Variants in ESCO1 observed in about 807,000 individuals in gnomAD.
ESCO1 encodes N-acetyltransferase ESCO1.
Under a neutral mutation model 83.5 loss-of-function variants are expected in ESCO1, and 33 were observed. That is an observed-to-expected ratio of 0.40 (90% CI 0.30 to 0.53). The LOEUF (loss-of-function observed/expected upper bound fraction) is 0.53, where lower values mean the gene tolerates loss of function less well. ESCO1 is among the 20% of genes least tolerant of loss of function. The probability of loss-of-function intolerance (pLI) is 0.63; values close to 1 mark genes in which losing one functional copy is unlikely to be tolerated. For synonymous variants in ESCO1, 332 were observed against 324.3 expected, an observed-to-expected ratio of 1.02 and a Z score of -0.25; for missense variants, 855 against 968.0, an observed-to-expected ratio of 0.88 and a Z score of 1.55.
At chr18:21,556,891 G>A (rs1483280406) in intron 8 of ESCO1, among the ~76,000 whole-genome samples, 2 of 152,074 alleles carry the variant, frequency 1.3e-5, no homozygotes, top group Admixed American at 1.3e-4. Context: ...ACTAGTGATG[G>A]GGTTTCACCA....
chr18:21,564,069 G>C, intron 7 of ESCO1, 134 bp downstream of exon 7: 2 of 625,904 alleles, frequency 3.2e-6, no homozygotes, highest in Non-Finnish European at 5.5e-6. Flanking sequence ...CAGATGTCAG[G>C]CCATAGAACC....
Position 21,574,624 on chromosome 18 carries a change from C to T in ESCO1, c.220G>A (p.Ala74Thr), listed in dbSNP as rs764804621. ...TRMSTRSSKA[A>T]SNDKATKSIN... ...GATTTAGTAGCTTTATCATTAGATG[C>T]TGCCTTTGATGACCTTGTACTCATG... The change falls in exon 4 of 12, where the codon GCA (alanine) becomes ACA (threonine). Residue 74 changes from alanine (A) to threonine (T), a missense_variant. Physicochemically the swap from Ala to Thr is moderately conservative, Grantham distance 58 (BLOSUM62 0). This residue lies in a region of ESCO1 where 726 missense variants were observed against 699.5 expected (regional missense o/e 1.04). Coordinates refer to ENST00000269214, the MANE Select transcript of ESCO1 (RefSeq NM_052911.3). The T allele has an allele frequency of 1.2e-5, 19 of 1,613,978 alleles. No individual in the cohort carries two copies. The Admixed American group carries it at 3.0e-4, about 25-fold the overall frequency.
In ESCO1 at chr18:21,573,564, A is replaced by G. The variant is rs1218290582; in HGVS notation, c.1280T>C (p.Leu427Ser). The G allele has an allele frequency of 2.5e-6, 4 of 1,613,988 alleles. No homozygotes were observed. The African/African-American group carries it at 5.3e-5, about 22-fold the overall frequency. ...LLRTSFSPPA[L>S]EMHHPVTQST... ...TTGAGTCACTGGATGATGCATTTCT[A>G]AAGCTGGTGGTGAAAAACTGGTTCG... Residue 427 changes from leucine to serine, a missense_variant, in exon 4 of 12, where the codon TTA becomes TCA. Transcript: ENST00000269214.
At chr18:21,566,716 C>T (rs2038266503) in intron 5 of ESCO1, among the ~76,000 whole-genome samples, 1 of 151,872 alleles carries the variant, frequency 6.6e-6, no homozygotes, top group African/African-American at 2.4e-5. Context: ...CAAAATAAGC[C>T]GGGTGTGGTG....
intron 1 of ESCO1, among the ~76,000 whole-genome samples, chr18:21,599,647 A>C (rs978561549): frequency 6.6e-6 from 1 of 152,156 alleles, no homozygotes; most frequent in Non-Finnish European, 1.5e-5. Flanking sequence ...ATTGCAGCTA[A>C]GACTACAGAA....
intron 1 of ESCO1, among the ~76,000 whole-genome samples, chr18:21,587,521 A>G (rs1387457706): frequency 1.3e-5 from 2 of 152,210 alleles, no homozygotes; most frequent in Non-Finnish European, 2.9e-5. Context: ...TTAGCATACC[A>G]TTGTTCATAT....
chr18:21,550,488 C>G (rs2038031526), intron 8 of ESCO1, among the ~76,000 whole-genome samples: 1 of 152,152 alleles, frequency 6.6e-6, no homozygotes, highest in Non-Finnish European at 1.5e-5. Flanking sequence ...CTAAAAATCT[C>G]TTTATTAGGA....
At chr18:21,599,187 C>A (rs545976629) in intron 1 of ESCO1, among the ~76,000 whole-genome samples, 1 of 152,192 alleles carries the variant, frequency 6.6e-6, no homozygotes, top group African/African-American at 2.4e-5. Flanking sequence ...AAATAGAAAA[C>A]TTAGCCTAAC....
Position 21,574,714 on chromosome 18 carries a change from TCTC to T in ESCO1, c.127_129del (p.Glu43del). 12 of 1,612,856 alleles carry T rather than the reference TCTC, an allele frequency of 7.4e-6. No homozygotes were observed. Among genetic ancestry groups the T allele is most frequent in the Non-Finnish European group, 1.0e-5 (12 of 1,179,982 alleles). Reference sequence around the variant, plus strand: ...GAAGATTTAGCCTGTGATTTTATAGTCTCCTTTGGACCTGATTTTTTTGCTAGA... The same window carrying T: ...GAAGATTTAGCCTGTGATTTTATAGTCTTTGGACCTGATTTTTTTGCTAGA... On this transcript the variant is annotated inframe_deletion, in exon 4 of 12. Transcript: ENST00000269214.
intron 8 of ESCO1, among the ~76,000 whole-genome samples, chr18:21,560,398 T>C (rs140896949): frequency 1.2e-3 from 185 of 151,472 alleles, no homozygotes; most frequent in African/African-American, 4.1e-3. Context: ...TTTAATCTTA[T>C]AAAGAAAAAC....
chr18:21,532,563 G>C lies in ESCO1; in HGVS notation c.2285C>G (p.Pro762Arg). The change falls in exon 11 of 12, where the codon CCA (proline) becomes CGA (arginine). Residue 762 changes from proline (P) to arginine (R), a missense_variant. Physicochemically the swap from Pro to Arg is moderately radical, Grantham distance 103. Coordinates refer to ENST00000269214, the MANE Select transcript of ESCO1 (RefSeq NM_052911.3). ...ACTGATCCCGCAGATTGCAGGCTCT[G>C]GTAATGTTGAGCAGCACCAGGCTTT... The part of the protein sequence containing the change: ...RQKAWCCSTL[P>R]EPAICGISRI... 1 of 1,614,124 alleles carries C rather than the reference G, an allele frequency of 6.2e-7. No homozygotes were observed. The highest frequency in any genetic ancestry group is 8.5e-7 in the Non-Finnish European group (1 of 1,180,020).
At chr18:21,558,717 A>T (rs1370567079) in intron 8 of ESCO1, among the ~76,000 whole-genome samples, 3 of 132,022 alleles carry the variant, frequency 2.3e-5, no homozygotes, top group Non-Finnish European at 3.3e-5. Context: ...ACACAGCAAG[A>T]CTCTGCCTCA....
rs2038373878 is a variant in ESCO1, at chr18:21,573,732, G to A, written c.1112C>T (p.Thr371Ile). ...ATTTAGTATACATTTCACAGGCTTT[G>A]TTTTTCTACTTGGGAAAAAACGATT... is the stretch of plus-strand genomic sequence containing the variant. The part of the protein sequence containing the change: ...QCNRFFPSRK[T>I]KPVKCILNGI... Residue 371 changes from threonine (T) to isoleucine (I), a missense_variant, in exon 4 of 12, where the codon ACA becomes ATA. By Grantham distance (89) the Thr-to-Ile change is moderately conservative (BLOSUM62 -1). This residue lies in a region of ESCO1 where 726 missense variants were observed against 699.5 expected (regional missense o/e 1.04). Coordinates refer to ENST00000269214, the MANE Select transcript of ESCO1 (RefSeq NM_052911.3). The A allele has an allele frequency of 3.1e-6, 5 of 1,613,902 alleles. No individual in the cohort carries two copies. Among genetic ancestry groups the A allele is most frequent in the Admixed American group, 1.7e-5 (1 of 59,974 alleles).
In ESCO1 at chr18:21,573,630, T is replaced by C. The variant is rs763761992; in HGVS notation, c.1214A>G (p.Asn405Ser). 2.5e-6 allele frequency: 4 copies of C among 1,614,152 alleles called. No homozygotes were observed. The highest frequency in any genetic ancestry group is 1.7e-5 in the Admixed American group (1 of 60,008). Reference sequence around the variant, plus strand: ...AGGGGAAACTTGAGAGTCCAACTTATTGTGCTGCACAGAGTTAAATTTTGA... The same window carrying C: ...AGGGGAAACTTGAGAGTCCAACTTACTGTGCTGCACAGAGTTAAATTTTGA... ...KLSKFNSVQH[N>S]KLDSQVSPKL... The change falls in exon 4 of 12, where the codon AAT becomes AGT. Residue 405 changes from asparagine (N) to serine (S), a missense_variant. Asn to Ser is a conservative substitution (Grantham distance 46). This residue lies in a region of ESCO1 where 726 missense variants were observed against 699.5 expected (regional missense o/e 1.04). Coordinates refer to ENST00000269214, the MANE Select transcript of ESCO1 (RefSeq NM_052911.3).
At chr18:21,552,768 G>A (rs909610648) in intron 8 of ESCO1, among the ~76,000 whole-genome samples, 13 of 152,184 alleles carry the variant, frequency 8.5e-5, no homozygotes, top group African/African-American at 2.7e-4. Context: ...AAATGGTGCT[G>A]AACTGGACAT....
At chr18:21,585,018 T>C (rs2038554277) in intron 1 of ESCO1, among the ~76,000 whole-genome samples, 1 of 151,406 alleles carries the variant, frequency 6.6e-6, no homozygotes, top group South Asian at 2.1e-4. Context: ...GGCGGGTGCC[T>C]GTAATCCCAG....
At chr18:21,547,418 C>T (rs2037988546) in intron 8 of ESCO1, among the ~76,000 whole-genome samples, 2 of 150,854 alleles carry the variant, frequency 1.3e-5, no homozygotes, top group South Asian at 4.2e-4. Context: ...TAGAAAGTGG[C>T]TCATTAGGAA....
chr18:21,598,789 A>G (rs2038800345), intron 1 of ESCO1, among the ~76,000 whole-genome samples: 1 of 152,144 alleles, frequency 6.6e-6, no homozygotes, highest in Admixed American at 6.6e-5. Flanking sequence ...TTCCTCAGTT[A>G]GCAATGATAA....
rs1034712216 is a variant in ESCO1, at chr18:21,592,338, C to T, written c.-824-7898G>A. ...CAGTAGGGGCGGCCGGGCAGAGGCG[C>T]CCCTCACCTCCCGGACGAGGCGGCT... On this transcript the variant is annotated intron_variant, in intron 1 of 11. Transcript: ENST00000269214. Among the ~76,000 whole-genome samples the T allele has an allele frequency of 7.4e-5, 11 of 149,184 alleles. 1 individual carries two copies. The highest frequency in any genetic ancestry group is 1.5e-4 in the Non-Finnish European group (10 of 67,112).
Sources: gnomAD v4.1 joint callset for allele counts (sites outside exome capture counted in the v4.1 genomes callset) on GRCh38, gnomAD v4.1.1 for gene constraint, gnomAD v4.1.1 regional missense constraint, MANE v1.5 for transcripts, NCBI Gene and HGNC (gene_info 2026-07-23, HGNC 2026-07-21) for gene names.